KIAA0825: variants seen among roughly 807,000 people sequenced by gnomAD.
KIAA0825 encodes the protein uncharacterized protein KIAA0825.
A neutral mutation model predicts 147.6 loss-of-function variants in KIAA0825; 119 were observed. The observed-to-expected ratio is 0.81, with a 90% CI of 0.69 to 0.94. The LOEUF (loss-of-function observed/expected upper bound fraction) is 0.94. Among genes scored for constraint, KIAA0825 ranks in the 40% least tolerant of loss-of-function variants. The pLI, the probability that KIAA0825 is intolerant of heterozygous loss-of-function variation, is 0.00. For synonymous variants in KIAA0825, 470 were observed against 518.1 expected (o/e 0.91, Z 1.26); for missense variants, 1,381 against 1,472.7 (o/e 0.94, Z 1.02).
chr5:94,182,124 T>C (rs927382448), intron 20 of KIAA0825, among the ~76,000 whole-genome samples: 8 of 152,004 alleles, frequency 5.3e-5, no homozygotes, highest in African/African-American at 1.9e-4. Flanking sequence ...TACCCTTCAG[T>C]GGGACCTTCA....
chr5:94,426,648 G>A (rs770572191), intron 14 of KIAA0825, among the ~76,000 whole-genome samples: 8 of 152,110 alleles, frequency 5.3e-5, no homozygotes, highest in Non-Finnish European at 8.8e-5. Flanking sequence ...AACAGAGTAG[G>A]GTGATTATAG....
At chr5:94,371,671 C>T (rs1305978514) in intron 20 of KIAA0825, among the ~76,000 whole-genome samples, 2 of 152,098 alleles carry the variant, frequency 1.3e-5, no homozygotes, top group African/African-American at 2.4e-5. Context: ...TCCCACAACA[C>T]GGGGGAATTA....
chr5:94,600,339 C>T (rs1195349432), intron 1 of KIAA0825, among the ~76,000 whole-genome samples: 1 of 151,846 alleles, frequency 6.6e-6, no homozygotes, highest in East Asian at 1.9e-4. Flanking sequence ...TATTATATTC[C>T]TTATATTTCC....
At chr5:94,456,121 C>G (rs575521010) in intron 12 of KIAA0825, among the ~76,000 whole-genome samples, 34 of 152,236 alleles carry the variant, frequency 2.2e-4, no homozygotes, top group African/African-American at 7.9e-4. Flanking sequence ...ACATGGAAGT[C>G]TTGATGAGAG....
intron 1 of KIAA0825, among the ~76,000 whole-genome samples, chr5:94,595,414 T>C (rs1785107332): frequency 6.6e-6 from 1 of 152,240 alleles, no homozygotes; most frequent in African/African-American, 2.4e-5. Flanking sequence ...CGTTGCTCCC[T>C]TTTAGCCACA....
At chr5:94,285,460 CTG>C (rs1283795118) in intron 20 of KIAA0825, among the ~76,000 whole-genome samples, 6 of 152,060 alleles carry the variant, frequency 3.9e-5, no homozygotes, top group African/African-American at 1.4e-4. Context: ...ATACATGATA[CTG>C]TCTCTACACA....
At chr5:94,450,796 A>C (rs1387706538) in intron 13 of KIAA0825, among the ~76,000 whole-genome samples, 1 of 152,220 alleles carries the variant, frequency 6.6e-6, no homozygotes, top group Non-Finnish European at 1.5e-5. Flanking sequence ...AAATCACAAA[A>C]AAGACCTTAC....
intron 13 of KIAA0825, among the ~76,000 whole-genome samples, chr5:94,446,635 G>A (rs1156740898): frequency 6.6e-6 from 1 of 152,178 alleles, no homozygotes; most frequent in Non-Finnish European, 1.5e-5. Flanking sequence ...AGAGTAGCAG[G>A]TATCAGAAGC....
intron 5 of KIAA0825, among the ~76,000 whole-genome samples, chr5:94,503,086 ATG>A (rs201863297): frequency 1.5e-4 from 21 of 142,658 alleles, no homozygotes; most frequent in African/African-American, 4.6e-4. Context: ...ATATATATAT[ATG>A]ATATATATAT....
chr5:94,186,891 G>A (rs891799139), intron 20 of KIAA0825, among the ~76,000 whole-genome samples: 5 of 152,178 alleles, frequency 3.3e-5, no homozygotes, highest in African/African-American at 7.2e-5. Flanking sequence ...TATTCCAGAG[G>A]CAGAGAGGGG....
chr5:94,456,800 T>C (rs1036690463), intron 12 of KIAA0825, among the ~76,000 whole-genome samples: 3 of 152,198 alleles, frequency 2.0e-5, no homozygotes, highest in Non-Finnish European at 2.9e-5. Flanking sequence ...TTAGAAATCG[T>C]CCTTAAAAAA....
intron 20 of KIAA0825, among the ~76,000 whole-genome samples, chr5:94,359,792 A>G (rs1744816172): frequency 6.6e-6 from 1 of 152,218 alleles, no homozygotes; most frequent in South Asian, 2.1e-4. Context: ...AGTAATTTCC[A>G]AGAATGCAGA....
intron 2 of KIAA0825, among the ~76,000 whole-genome samples, chr5:94,567,073 T>A (rs1280234214): frequency 6.6e-6 from 1 of 152,156 alleles, no homozygotes; most frequent in Non-Finnish European, 1.5e-5. Context: ...GAAAACTTCA[T>A]CTCTATCAAA....
chr5:94,251,174 T>C (rs1013436894), intron 20 of KIAA0825, among the ~76,000 whole-genome samples: 12 of 152,082 alleles, frequency 7.9e-5, no homozygotes, highest in African/African-American at 2.9e-4. Flanking sequence ...CTGGTGGAGA[T>C]GGTTGATTTG....
At chr5:94,459,525 A>G (rs574378465) in intron 12 of KIAA0825, among the ~76,000 whole-genome samples, 1 of 152,308 alleles carries the variant, frequency 6.6e-6, no homozygotes, top group Admixed American at 6.5e-5. Context: ...GGGTAAGGCC[A>G]TAACCTCGAA....
At chr5:94,562,320 T>C (rs1414005700) in intron 2 of KIAA0825, among the ~76,000 whole-genome samples, 1 of 152,228 alleles carries the variant, frequency 6.6e-6, no homozygotes, top group Non-Finnish European at 1.5e-5. Context: ...AAAGTAAATT[T>C]TGGATTTCTT....
chr5:94,203,618 A>G (rs1251870664), intron 20 of KIAA0825, among the ~76,000 whole-genome samples: 1 of 152,170 alleles, frequency 6.6e-6, no homozygotes, highest in Non-Finnish European at 1.5e-5. Flanking sequence ...TTTACTTTTA[A>G]AAAAAGAAAA....
rs954181483 is a variant in KIAA0825 at position 94,519,818 on chromosome 5, T to G, written c.970+430A>C. 11 of 751,534 alleles carry G rather than the reference T, an allele frequency of 1.5e-5. No individual in the cohort carries two copies. The African/African-American group carries it at 2.1e-4, about 14-fold the overall frequency. The allele number at this position is 751,534 out of a possible 1,614,324, so 46.6% of individuals were successfully genotyped here. A position where few individuals can be genotyped will look rare whatever the true frequency, so the allele number is the denominator to read the frequency against. On this transcript the variant is annotated intron_variant, in intron 5 of 20. Transcript: ENST00000682413. ...CAATGGATTAAAAATCATACTTTTC[T>G]GTTATGTATATAACTAAATGTACAT...
At chr5:94,375,101 G>A (rs1420422020) in intron 20 of KIAA0825, among the ~76,000 whole-genome samples, 2 of 144,194 alleles carry the variant, frequency 1.4e-5, no homozygotes, top group Non-Finnish European at 3.0e-5. Flanking sequence ...GCACGACCTC[G>A]GCTCACTGCA....
Sources: allele counts gnomAD v4.1 joint callset (sites outside exome capture counted in the v4.1 genomes callset), GRCh38; gene constraint gnomAD v4.1.1; transcripts MANE v1.5; gene names NCBI Gene and HGNC (gene_info 2026-07-23, HGNC 2026-07-21).